Variants in FHOD3 observed in about 807,000 individuals in gnomAD.
The protein encoded by FHOD3 is formin homology 2 domain containing 3, also known as FH1/FH2 domain-containing protein 3.
In FHOD3, 90 loss-of-function variants were observed where a neutral mutation model predicts 173.0. That is an observed-to-expected ratio of 0.52 (90% CI 0.44 to 0.62). The LOEUF is 0.62. FHOD3 is among the 20% of genes least tolerant of loss of function. FHOD3 has a pLI of 0.00. For synonymous variants in FHOD3, 828 were observed against 823.0 expected (o/e 1.01, Z -0.10); for missense variants, 1,945 against 2,034.7 (o/e 0.96, Z 0.85).
chr18:36,344,134 G>C (rs184223790), intron 1 of FHOD3, among the ~76,000 whole-genome samples: 3 of 152,316 alleles, frequency 2.0e-5, no homozygotes, highest in African/African-American at 7.2e-5. Context: ...AAATCAAGAT[G>C]CTTCTAGGAA....
At chr18:36,728,434 A>C (rs540001209) in intron 19 of FHOD3, among the ~76,000 whole-genome samples, 1 of 152,214 alleles carries the variant, frequency 6.6e-6, no homozygotes, top group African/African-American at 2.4e-5. Context: ...TAGGTCAACT[A>C]CGTAGAACAG....
In FHOD3 at chr18:36,387,940, G is replaced by T. The variant is rs192178814; in HGVS notation, c.337+15196G>T. 2.4e-3 allele frequency among the ~76,000 whole-genome samples: 368 copies of T among 152,168 alleles called. 1 individual carries two copies. Among genetic ancestry groups the T allele is most frequent in the African/African-American group, 8.6e-3 (355 of 41,520 alleles). On this transcript the variant is annotated intron_variant, in intron 3 of 28. Transcript: ENST00000590592. ...TGTGGAGAGGTTGGAGGGTAAAGGG[G>T]CCTTAAGGAAGGAATTTGGGGTTTC...
intron 3 of FHOD3, among the ~76,000 whole-genome samples, chr18:36,443,242 C>G (rs1409767239): frequency 1.3e-5 from 2 of 152,136 alleles, no homozygotes; most frequent in Non-Finnish European, 2.9e-5. Flanking sequence ...ATAATTCTTG[C>G]CTGTGACGAT....
chr18:36,614,968 A>G (rs1424104822), intron 9 of FHOD3, among the ~76,000 whole-genome samples: 1 of 147,192 alleles, frequency 6.8e-6, no homozygotes, highest in Non-Finnish European at 1.5e-5. Flanking sequence ...CCCCTGCCTC[A>G]GCCCCCTGAG....
chr18:36,364,302 G>T (rs762577483), intron 2 of FHOD3, among the ~76,000 whole-genome samples: 2 of 152,038 alleles, frequency 1.3e-5, no homozygotes, highest in Non-Finnish European at 2.9e-5. Flanking sequence ...CATCCTGACC[G>T]CAAGGATTCC....
intron 7 of FHOD3, among the ~76,000 whole-genome samples, chr18:36,596,194 G>C (rs533941317): frequency 2.0e-5 from 3 of 151,780 alleles, no homozygotes; most frequent in Admixed American, 2.0e-4. Context: ...TTGCTCCGTC[G>C]CCCAGGCTGG....
intron 3 of FHOD3, among the ~76,000 whole-genome samples, chr18:36,425,891 A>ATTTC (rs1257181291): frequency 3.1e-4 from 46 of 148,734 alleles, no homozygotes; most frequent in African/African-American, 1.0e-3. Flanking sequence ...TTCACACACT[A>ATTTC]TTTCTTTCTT....
At chr18:36,481,790 C>A (rs1270857329) in intron 3 of FHOD3, among the ~76,000 whole-genome samples, 2 of 152,104 alleles carry the variant, frequency 1.3e-5, no homozygotes, top group Admixed American at 1.3e-4. Context: ...TTTTAAAAGA[C>A]ATTCCTTTGC....
intron 17 of FHOD3, 29 bp from the exon 18 acceptor site, chr18:36,709,066 A>C: frequency 6.3e-7 from 1 of 1,596,456 alleles, no homozygotes; most frequent in African/African-American, 1.3e-5. Flanking sequence ...ATCTGTCGTC[A>C]ATATAATCTC....
chr18:36,693,571 C>A, intron 17 of FHOD3, 148 bp downstream of exon 17: 1 of 728,884 alleles, frequency 1.4e-6, no homozygotes, highest in Non-Finnish European at 2.3e-6. Flanking sequence ...GTGACTGCAA[C>A]TGCCTGGTCA....
At chr18:36,370,006 A>G (rs936301889) in intron 2 of FHOD3, among the ~76,000 whole-genome samples, 1 of 152,166 alleles carries the variant, frequency 6.6e-6, no homozygotes, top group African/African-American at 2.4e-5. Flanking sequence ...TGCAAAATGG[A>G]CACAGAAGTA....
intron 14 of FHOD3, among the ~76,000 whole-genome samples, chr18:36,679,321 G>A (rs534283032): frequency 6.6e-6 from 1 of 151,912 alleles, no homozygotes; most frequent in African/African-American, 2.4e-5. Flanking sequence ...GATGGAACTT[G>A]TCTATTAGGT....
At chr18:36,653,589 T>TA (rs1358588397) in intron 13 of FHOD3, among the ~76,000 whole-genome samples, 173 bp downstream of exon 13, 1 of 152,168 alleles carries the variant, frequency 6.6e-6, no homozygotes, top group African/African-American at 2.4e-5. Context: ...TTAAATCTTA[T>TA]AAAAAATGGA....
At chr18:36,481,083 G>A (rs1489532467) in intron 3 of FHOD3, among the ~76,000 whole-genome samples, 1 of 135,180 alleles carries the variant, frequency 7.4e-6, no homozygotes. Context: ...AAGCTTATAA[G>A]GCATTCTCCA....
intron 6 of FHOD3, among the ~76,000 whole-genome samples, chr18:36,581,486 C>G (rs943192247): frequency 5.9e-5 from 9 of 152,196 alleles, no homozygotes; most frequent in African/African-American, 1.9e-4. Context: ...GCATTGCTCT[C>G]CAGGTTAGCT....
chr18:36,719,888 G>A (rs533959995), intron 19 of FHOD3, among the ~76,000 whole-genome samples: 1 of 152,308 alleles, frequency 6.6e-6, no homozygotes, highest in South Asian at 2.1e-4. Flanking sequence ...CTTTCAAAAT[G>A]TGCTGGGATT....
intron 9 of FHOD3, among the ~76,000 whole-genome samples, chr18:36,619,848 A>G (rs2033556776): frequency 1.3e-5 from 2 of 152,232 alleles, no homozygotes; most frequent in Non-Finnish European, 1.5e-5. Flanking sequence ...GCAGCAAGGA[A>G]GGAAGGCCTG....
chr18:36,666,533 A>G (rs1427581296), intron 14 of FHOD3, among the ~76,000 whole-genome samples: 1 of 152,226 alleles, frequency 6.6e-6, no homozygotes, highest in Non-Finnish European at 1.5e-5. Context: ...CTCATTGCTC[A>G]GCATCATTTC....
intron 3 of FHOD3, among the ~76,000 whole-genome samples, chr18:36,417,634 T>A (rs1019993079): frequency 6.6e-6 from 1 of 152,256 alleles, no homozygotes; most frequent in African/African-American, 2.4e-5. Flanking sequence ...TATATGTGGC[T>A]TTATTTCATG....
Sources: allele counts gnomAD v4.1 joint callset (sites outside exome capture counted in the v4.1 genomes callset), GRCh38; gene constraint gnomAD v4.1.1; transcripts MANE v1.5; gene names NCBI Gene and HGNC (gene_info 2026-07-23, HGNC 2026-07-21).